The following SAFB2 variants were observed in gnomAD, a reference collection of about 807,000 sequenced individuals.
SAFB2 encodes the protein scaffold attachment factor B2.
A neutral mutation model predicts 100.6 loss-of-function variants in SAFB2; 32 were observed. The ratio of observed to expected loss-of-function variants is 0.32; its 90% CI spans 0.24 to 0.43. The LOEUF (loss-of-function observed/expected upper bound fraction) is 0.43. Among genes scored for constraint, SAFB2 ranks in the 20% least tolerant of loss-of-function variants. The pLI is 1.00. For synonymous variants in SAFB2, 500 were observed against 439.4 expected (o/e 1.14, Z -1.72); for missense variants, 1,185 against 1,163.4 (o/e 1.02, Z -0.27).
intron 8 of SAFB2, chr19:5,610,382 C>T: frequency 6.8e-6 from 4 of 585,336 alleles, no homozygotes; most frequent in Non-Finnish European, 1.2e-5. Context: ...ATCCTTGAAA[C>T]AGTCTTCAAT....
At chr19:5,601,990 G>A (rs571456143) in intron 11 of SAFB2, among the ~76,000 whole-genome samples, 2 of 152,234 alleles carry the variant, frequency 1.3e-5, no homozygotes, top group African/African-American at 2.4e-5. Flanking sequence ...CATCCAAGAT[G>A]GCAAAGGCTA....
intron 15 of SAFB2, 49 bp from the exon 16 acceptor site, chr19:5,592,936 A>G (rs1171071131): frequency 5.7e-6 from 9 of 1,588,156 alleles, no homozygotes; most frequent in Non-Finnish European, 7.8e-6. Flanking sequence ...ATGAGAGAGG[A>G]GGAGGAAAAA....
At position 5,604,671 on chromosome 19, in the gene SAFB2, T is replaced by C; in HGVS notation, c.1471A>G (p.Lys491Glu). Reference protein sequence around the residue: ...EKAKNEPAGKKLSDRKECEVK... With the variant: ...EKAKNEPAGKELSDRKECEVK... ...TCGCACTCTTTTCTGTCGGAAAGCT[T>C]TTTCCCAGCAGGCTCATTTTTGGCC... is the stretch of plus-strand genomic sequence containing the variant. The change falls in exon 11 of 21, where the codon AAG becomes GAG. Residue 491 changes from lysine (K) to glutamate (E), a missense_variant. By Grantham distance (56) the Lys-to-Glu change is moderately conservative. This residue lies in a region of SAFB2 where 740 missense variants were observed against 687.1 expected (regional missense o/e 1.08). Coordinates refer to ENST00000252542, the MANE Select transcript of SAFB2 (RefSeq NM_014649.3). 1 of 1,614,218 alleles carries C rather than the reference T, an allele frequency of 6.2e-7. No homozygotes were observed. The highest frequency in any genetic ancestry group is 1.3e-5 in the African/African-American group (1 of 75,054).
chr19:5,588,281 G>C (rs1232100679), intron 18 of SAFB2, among the ~76,000 whole-genome samples: 1 of 152,032 alleles, frequency 6.6e-6, no homozygotes, highest in Admixed American at 6.6e-5. Context: ...GCGAGGAAAG[G>C]GAAGAACCCT....
chr19:5,599,560 T>C (rs570533173), intron 12 of SAFB2, among the ~76,000 whole-genome samples: 87 of 152,136 alleles, frequency 5.7e-4, no homozygotes, highest in African/African-American at 2.0e-3. Flanking sequence ...TTGTCTCTGT[T>C]TTTCTCTTCC....
chr19:5,610,017 T>C lies in SAFB2; in HGVS notation c.1274A>G (p.Asn425Ser), dbSNP rs1455916350. The C allele has an allele frequency of 6.2e-7, 1 of 1,613,982 alleles. No individual in the cohort carries two copies. Among genetic ancestry groups the C allele is most frequent in the African/African-American group, 1.3e-5 (1 of 74,978 alleles). ...TACCTTCCCATACTTGCTGAAAAGG[T>C]TCTTGAGATCCGTAGCGCGTGTTGT... ...SSTTRATDLK[N>S]LFSKYGKVVG... Residue 425 changes from asparagine to serine, a missense_variant, in exon 9 of 21, where the codon AAC becomes AGC. This residue lies in a region of SAFB2 where 94 missense variants were observed against 135.1 expected (regional missense o/e 0.70). Transcript: ENST00000252542.
At chr19:5,611,938 T>C in intron 6 of SAFB2, 1 of 495,372 alleles carries the variant, frequency 2.0e-6, no homozygotes, top group Non-Finnish European at 3.7e-6. Flanking sequence ...TCTGACTGAT[T>C]TTCCAATGTC....
chr19:5,622,551 G>A lies in SAFB2; in HGVS notation c.165C>T (p.Val55=), dbSNP rs771378589. 5.6e-6 allele frequency: 9 copies of A among 1,612,074 alleles called. No homozygotes were observed. Among genetic ancestry groups the A allele is most frequent in the South Asian group, 3.3e-5 (3 of 90,934 alleles). ...TCACCTTCTTGAGCCGCTCCATCAG[G>A]ACGCTCTTGTTGCCGCCCGTGTCCA... is the stretch of plus-strand genomic sequence containing the variant. ...RNLDTGGNKS[V]LMERLKKAVK... The change falls in exon 1 of 21, where the codon GTC becomes GTT. Residue 55 remains valine (V), a synonymous_variant. Coordinates refer to ENST00000252542, the MANE Select transcript of SAFB2 (RefSeq NM_014649.3).
intron 6 of SAFB2, chr19:5,612,222 A>C: frequency 2.4e-6 from 1 of 420,650 alleles, no homozygotes; most frequent in East Asian, 4.5e-5. Flanking sequence ...GCAGCAAAAT[A>C]TCACAAGATC....
intron 9 of SAFB2, among the ~76,000 whole-genome samples, chr19:5,607,532 A>C (rs1244814685): frequency 6.6e-6 from 1 of 152,238 alleles, no homozygotes; most frequent in Non-Finnish European, 1.5e-5. Context: ...AACCACAATG[A>C]CACAGAGTTA....
At position 5,592,789 on chromosome 19, in the gene SAFB2, T is replaced by G; in HGVS notation, c.2306A>C (p.Asp769Ala). Residue 769 changes from aspartate (D) to alanine (A), a missense_variant, in exon 16 of 21, where the codon GAT becomes GCT. Asp to Ala is a moderately radical substitution (Grantham distance 126, BLOSUM62 -2). Transcript: ENST00000252542. Reference sequence around the variant, plus strand: ...CTGGTACTGGCCCCGGTCTCGATGATCGAAGTCGTGAAAGCGGTGGTCTGG... The same window carrying G: ...CTGGTACTGGCCCCGGTCTCGATGAGCGAAGTCGTGAAAGCGGTGGTCTGG... ...PRPDHRFHDF[D>A]HRDRGQYQDH... 6.2e-7 allele frequency: 1 copy of G among 1,614,198 alleles called. No individual in the cohort carries two copies. Among genetic ancestry groups the G allele is most frequent in the Non-Finnish European group, 8.5e-7 (1 of 1,180,030 alleles).
At chr19:5,619,075 C>A (rs1299231033) in intron 2 of SAFB2, among the ~76,000 whole-genome samples, 1 of 152,230 alleles carries the variant, frequency 6.6e-6, no homozygotes, top group Non-Finnish European at 1.5e-5. Context: ...TTGGACTCAA[C>A]TGAACACTGC....
chr19:5,610,184 C>G, intron 8 of SAFB2, 89 bp from the exon 9 acceptor site: 1 of 1,006,696 alleles, frequency 9.9e-7, no homozygotes, highest in Non-Finnish European at 1.5e-6. Flanking sequence ...TTTAAAAACC[C>G]TAACGACGCC....
chr19:5,616,588 A>G lies in SAFB2; in HGVS notation c.275-102T>C, dbSNP rs552918528. ...ATCTTAGAACAGAACACATTACAAG[A>G]TAAACTATAAGTCTCCCCTCTCCTG... is the stretch of plus-strand genomic sequence containing the variant. On this transcript the variant is annotated intron_variant, in intron 2 of 20. Transcript: ENST00000252542. The G allele has an allele frequency of 3.1e-6, 3 of 961,476 alleles. No individual in the cohort carries two copies. The South Asian group carries it at 3.9e-5, about 12-fold the overall frequency. The allele number at this position is 961,476 out of a possible 1,614,324, so 59.6% of individuals were successfully genotyped here. A position where few individuals can be genotyped will look rare whatever the true frequency, so the allele number is the denominator to read the frequency against.
intron 12 of SAFB2, among the ~76,000 whole-genome samples, chr19:5,599,086 C>T (rs962419881): frequency 3.3e-5 from 5 of 152,110 alleles, no homozygotes; most frequent in African/African-American, 1.2e-4. Context: ...ACCCTCACAG[C>T]TCTTTACACA....
At chr19:5,590,247 C>T (rs778484271) in intron 18 of SAFB2, 31 bp downstream of exon 18, 1 of 1,521,366 alleles carries the variant, frequency 6.6e-7, no homozygotes, top group South Asian at 1.3e-5. Flanking sequence ...AGGACAGATG[C>T]TCCCCACCCG....
Position 5,591,826 on chromosome 19 carries a change from C to T in SAFB2, c.2349-33G>A. The T allele has an allele frequency of 3.1e-6, 5 of 1,611,538 alleles. 1 individual carries two copies. The South Asian group carries it at 5.5e-5, about 18-fold the overall frequency. ...AGGAAAAGATCCCGTTCAAACAGCA[C>T]CAGGCACGACTACACATTTCTGCAG... On this transcript the variant is annotated intron_variant, in intron 16 of 20. Coordinates refer to ENST00000252542, the MANE Select transcript of SAFB2 (RefSeq NM_014649.3).
intron 4 of SAFB2, 121 bp from the exon 5 acceptor site, chr19:5,613,648 C>CT (rs2052958810): frequency 6.7e-7 from 1 of 1,501,330 alleles, no homozygotes; most frequent in African/African-American, 1.4e-5. Flanking sequence ...ATCTGCAAGT[C>CT]TACTGTTGGG....
At chr19:5,607,770 C>T (rs540829525) in intron 9 of SAFB2, among the ~76,000 whole-genome samples, 14 of 152,342 alleles carry the variant, frequency 9.2e-5, no homozygotes, top group African/African-American at 3.4e-4. Flanking sequence ...AGGCATTCCC[C>T]GTCTCTGGAC....
Sources: gnomAD v4.1 joint callset for allele counts (sites outside exome capture counted in the v4.1 genomes callset) on GRCh38, gnomAD v4.1.1 for gene constraint, gnomAD v4.1.1 regional missense constraint, MANE v1.5 for transcripts, NCBI Gene and HGNC (gene_info 2026-07-23, HGNC 2026-07-21) for gene names.